AGMO: variants seen among roughly 807,000 people sequenced by gnomAD.
AGMO encodes the protein alkylglycerol monooxygenase.
Under a neutral mutation model 60.2 loss-of-function variants are expected in AGMO, and 75 were observed. That is an observed-to-expected ratio of 1.25 (90% CI 1.03 to 1.51). The LOEUF (loss-of-function observed/expected upper bound fraction) is 1.51, where lower values mean the gene tolerates loss of function less well. AGMO is among the 40% of genes most tolerant of loss of function. The pLI is 0.00. For missense variants in AGMO, 763 were observed against 525.5 expected, an observed-to-expected ratio of 1.45 and a Z score of -4.42; for synonymous variants, 261 against 177.1, an observed-to-expected ratio of 1.47 and a Z score of -3.76.
intron 10 of AGMO, among the ~76,000 whole-genome samples, chr7:15,383,440 C>A (rs558402182): frequency 1.2e-4 from 19 of 152,118 alleles, no homozygotes; most frequent in Admixed American, 1.1e-3. Context: ...AAAAAAAGTC[C>A]CACCTAACAC....
the AGMO span, among the ~76,000 whole-genome samples, chr7:15,148,732 G>A: frequency 6.6e-6 from 1 of 152,130 alleles, no homozygotes; most frequent in Non-Finnish European, 1.5e-5. Flanking sequence ...TTGATGAGCA[G>A]CTAGGCTGAT....
chr7:15,333,140 T>C (rs1327564358), intron 12 of AGMO, among the ~76,000 whole-genome samples: 4 of 152,160 alleles, frequency 2.6e-5, no homozygotes, highest in African/African-American at 9.7e-5. Context: ...AGCTTGCCAG[T>C]ATTTATTACA....
chr7:15,335,437 G>C (rs1393769775), intron 12 of AGMO, among the ~76,000 whole-genome samples: 1 of 152,214 alleles, frequency 6.6e-6, no homozygotes, highest in South Asian at 2.1e-4. Context: ...GGTATGCAAA[G>C]CAATTATAAT....
the AGMO span, among the ~76,000 whole-genome samples, chr7:15,155,934 C>T: frequency 6.6e-6 from 1 of 152,232 alleles, no homozygotes; most frequent in Non-Finnish European, 1.5e-5. Context: ...GAGCTACATG[C>T]TCTAACCCTG....
chr7:15,499,626 G>C (rs75198686), intron 3 of AGMO, among the ~76,000 whole-genome samples: 5,294 of 151,604 alleles, frequency 0.035, 294 homozygotes, highest in African/African-American at 0.12. Context: ...CCCCTTTGCG[G>C]CATCCTTTCT....
the AGMO span, among the ~76,000 whole-genome samples, chr7:15,122,102 T>C: frequency 1.7e-4 from 26 of 152,102 alleles, no homozygotes; most frequent in African/African-American, 5.3e-4. Flanking sequence ...AAAGAAACTA[T>C]CACCAAAGTG....
intron 12 of AGMO, among the ~76,000 whole-genome samples, chr7:15,357,346 C>G (rs544811837): frequency 6.6e-6 from 1 of 152,036 alleles, no homozygotes; most frequent in East Asian, 1.9e-4. Context: ...TGAAATGACT[C>G]ATTTAGGATG....
At chr7:15,301,743 A>G (rs959441933) in intron 12 of AGMO, among the ~76,000 whole-genome samples, 2 of 152,200 alleles carry the variant, frequency 1.3e-5, no homozygotes, top group African/African-American at 4.8e-5. Flanking sequence ...TATTGGATAC[A>G]TAACAGTGAA....
rs775057626 is a variant in AGMO at position 15,342,172 on chromosome 7, T to TAAAAAAAAAAAAAAAAAAA, written c.1263+23323_1263+23341dup. Reference sequence around the variant, plus strand: ...AGCTGAGAGTAGATACCCACAGAGTTAAAAAAAAAAAAAAAAAAAAAAAAG... The same window carrying TAAAAAAAAAAAAAAAAAAA: ...AGCTGAGAGTAGATACCCACAGAGTTAAAAAAAAAAAAAAAAAAAAAAAAAAAAAAAAAAAAAAAAAAAG... On this transcript the variant is annotated intron_variant, in intron 12 of 12. Coordinates refer to ENST00000342526, the MANE Select transcript of AGMO (RefSeq NM_001004320.2). 2.6e-4 allele frequency among the ~76,000 whole-genome samples: 14 copies of TAAAAAAAAAAAAAAAAAAA among 54,304 alleles called. 1 individual carries two copies. The highest frequency in any genetic ancestry group is 5.6e-4 in the African/African-American group (6 of 10,746). 35.6% of individuals were successfully genotyped at this position (54,304 alleles called of 152,430 possible). A position where few individuals can be genotyped will look rare whatever the true frequency, so the allele number is the denominator to read the frequency against.
At chr7:15,466,964 T>C (rs1782310646) in intron 3 of AGMO, among the ~76,000 whole-genome samples, 1 of 152,136 alleles carries the variant, frequency 6.6e-6, no homozygotes, top group African/African-American at 2.4e-5. Context: ...AGTAATGATT[T>C]AGCAAGGTAA....
At chr7:15,138,394 T>A in the AGMO span, among the ~76,000 whole-genome samples, 2 of 152,336 alleles carry the variant, frequency 1.3e-5, no homozygotes, top group African/African-American at 4.8e-5. Flanking sequence ...GTAATTAGAT[T>A]CCACTGTGCC....
chr7:15,348,724 A>C (rs1782122144), intron 12 of AGMO, among the ~76,000 whole-genome samples: 1 of 152,060 alleles, frequency 6.6e-6, no homozygotes. Flanking sequence ...TTTTCTATGG[A>C]ATAATGGAAT....
intron 12 of AGMO, chr7:15,358,418 CAG>C: frequency 2.1e-6 from 1 of 470,838 alleles, no homozygotes; most frequent in Non-Finnish European, 4.4e-6. Context: ...AATTAGATTG[CAG>C]AGTTGGAAGA....
chr7:15,390,953 T>A (rs759152139), intron 6 of AGMO, 48 bp from the exon 7 acceptor site: 2 of 1,149,240 alleles, frequency 1.7e-6, no homozygotes, highest in East Asian at 4.9e-5. Context: ...ATAGTTATGC[T>A]TTTTGAGATA....
intron 3 of AGMO, among the ~76,000 whole-genome samples, chr7:15,542,082 G>T (rs1013028683): frequency 2.8e-4 from 43 of 151,498 alleles, no homozygotes; most frequent in African/African-American, 9.0e-4. Context: ...ATTATATGGG[G>T]TTTTTTTTAG....
intron 3 of AGMO, among the ~76,000 whole-genome samples, chr7:15,432,893 T>C (rs2128498986): frequency 6.6e-6 from 1 of 152,170 alleles, no homozygotes; most frequent in South Asian, 2.1e-4. Context: ...TGGCACTTTA[T>C]ATCTTCAGAT....
intron 12 of AGMO, among the ~76,000 whole-genome samples, chr7:15,264,985 C>T (rs1057411432): frequency 6.6e-5 from 10 of 151,942 alleles, no homozygotes; most frequent in African/African-American, 1.2e-4. Flanking sequence ...TGCACTCTTA[C>T]GTTCATTGCA....
At chr7:15,342,471 T>C (rs1781887025) in intron 12 of AGMO, among the ~76,000 whole-genome samples, 1 of 151,518 alleles carries the variant, frequency 6.6e-6, no homozygotes, top group Non-Finnish European at 1.5e-5. Context: ...TCCCCACCCA[T>C]CCCAACCATC....
intron 12 of AGMO, among the ~76,000 whole-genome samples, chr7:15,337,357 CGAGA>C (rs1207201885): frequency 4.0e-5 from 6 of 151,826 alleles, no homozygotes; most frequent in Admixed American, 6.6e-5. Flanking sequence ...CAATCATGCC[CGAGA>C]AAGAGGGAGA....
Sources: allele counts gnomAD v4.1 joint callset (sites outside exome capture counted in the v4.1 genomes callset), GRCh38; gene constraint gnomAD v4.1.1; transcripts MANE v1.5; gene names NCBI Gene and HGNC (gene_info 2026-07-23, HGNC 2026-07-21).